Variants in THSD7B observed in about 807,000 individuals in gnomAD.
The protein encoded by THSD7B is thrombospondin type 1 domain containing 7B.
In THSD7B, 138 loss-of-function variants were observed where a neutral mutation model predicts 213.6. The observed-to-expected ratio is 0.65, with a 90% CI of 0.56 to 0.74. THSD7B has a LOEUF of 0.74. Among genes scored for constraint, THSD7B ranks in the 30% least tolerant of loss-of-function variants. The pLI is 0.00. For synonymous variants in THSD7B, 742 were observed against 687.0 expected (o/e 1.08, Z -1.25); for missense variants, 1,931 against 1,991.5 (o/e 0.97, Z 0.58).
intron 27 of THSD7B, among the ~76,000 whole-genome samples, chr2:137,674,530 C>T (rs1175725527): frequency 6.6e-6 from 1 of 152,166 alleles, no homozygotes; most frequent in Non-Finnish European, 1.5e-5. Flanking sequence ...GACTCCATGT[C>T]AAGTGGGGTT....
chr2:137,170,638 G>A (rs1000112960), intron 6 of THSD7B, 103 bp from the exon 7 acceptor site: 1 of 1,062,738 alleles, frequency 9.4e-7, no homozygotes, highest in Non-Finnish European at 1.3e-6. Context: ...TGCTTAGAGC[G>A]ATGAGTACTT....
intron 1 of THSD7B, among the ~76,000 whole-genome samples, chr2:136,770,477 G>A (rs1455834088): frequency 2.6e-5 from 4 of 152,108 alleles, no homozygotes; most frequent in Non-Finnish European, 5.9e-5. Context: ...TGAAATACAT[G>A]TGCTCCAGTA....
At chr2:137,627,114 G>T (rs1682646178) in intron 20 of THSD7B, among the ~76,000 whole-genome samples, 2 of 152,182 alleles carry the variant, frequency 1.3e-5, no homozygotes, top group Admixed American at 6.5e-5. Context: ...CACATGGTGA[G>T]AAAGAGAACA....
intron 12 of THSD7B, among the ~76,000 whole-genome samples, chr2:137,277,704 C>A (rs1462646738): frequency 6.6e-6 from 1 of 152,040 alleles, no homozygotes; most frequent in African/African-American, 2.4e-5. Context: ...TTTTGCAGAA[C>A]AGGATTACAC....
intron 15 of THSD7B, among the ~76,000 whole-genome samples, chr2:137,478,680 A>G (rs1481465162): frequency 6.6e-6 from 1 of 152,118 alleles, no homozygotes; most frequent in East Asian, 1.9e-4. Context: ...CTGTAGTGTA[A>G]CAGTCACTTC....
chr2:136,884,445 G>A (rs527858725), intron 2 of THSD7B, among the ~76,000 whole-genome samples: 7 of 152,172 alleles, frequency 4.6e-5, no homozygotes, highest in Admixed American at 2.6e-4. Flanking sequence ...GGGAATGAAG[G>A]GCTCCACCTC....
chr2:137,563,321 G>T lies in THSD7B; in HGVS notation c.3239G>T (p.Arg1080Leu). 6.2e-7 allele frequency: 1 copy of T among 1,613,308 alleles called. No homozygotes were observed. Reference protein sequence around the residue: ...CKINNELRSLRCGGGTQSRKI... With the variant: ...CKINNELRSLLCGGGTQSRKI... ...ATCAACAATGAGCTGAGGTCCCTGC[G>T]CTGTGGAGGAGGAACACAATCTAGG... Residue 1080 changes from arginine to leucine, a missense_variant, in exon 16 of 28, where the codon CGC becomes CTC. Arg to Leu is a moderately radical substitution (Grantham distance 102, BLOSUM62 -2). Coordinates refer to ENST00000409968, the MANE Select transcript of THSD7B (RefSeq NM_001316349.2).
At chr2:137,561,106 G>C (rs1238967529) in intron 15 of THSD7B, among the ~76,000 whole-genome samples, 2 of 152,116 alleles carry the variant, frequency 1.3e-5, no homozygotes, top group African/African-American at 4.8e-5. Flanking sequence ...ACTCAAGAAG[G>C]TATCTCCACA....
intron 26 of THSD7B, among the ~76,000 whole-genome samples, chr2:137,663,813 G>A (rs1683397506): frequency 6.6e-6 from 1 of 152,166 alleles, no homozygotes. Context: ...CTAAGAAACA[G>A]TGGGTTAAGT....
intron 15 of THSD7B, among the ~76,000 whole-genome samples, chr2:137,463,395 C>T (rs1687927195): frequency 6.6e-6 from 1 of 152,152 alleles, no homozygotes; most frequent in African/African-American, 2.4e-5. Flanking sequence ...CTTGTTCAAA[C>T]TCAACTGCTT....
At chr2:137,096,889 G>A (rs529301697) in intron 4 of THSD7B, among the ~76,000 whole-genome samples, 30 of 152,320 alleles carry the variant, frequency 2.0e-4, no homozygotes, top group African/African-American at 6.3e-4. Flanking sequence ...CAGGCCCAGG[G>A]CTTAGCACAT....
intron 14 of THSD7B, among the ~76,000 whole-genome samples, chr2:137,440,085 A>G (rs1218597243): frequency 6.6e-6 from 1 of 152,070 alleles, no homozygotes; most frequent in African/African-American, 2.4e-5. Flanking sequence ...TTTAGGAATT[A>G]TGTTTGAATG....
chr2:136,818,655 G>T (rs1363596608), intron 1 of THSD7B, among the ~76,000 whole-genome samples: 1 of 152,196 alleles, frequency 6.6e-6, no homozygotes, highest in African/African-American at 2.4e-5. Flanking sequence ...ATAGTCCCTT[G>T]CTTCTTTTAG....
intron 12 of THSD7B, among the ~76,000 whole-genome samples, chr2:137,303,903 C>T (rs1424115241): frequency 1.3e-5 from 2 of 151,050 alleles, no homozygotes; most frequent in Non-Finnish European, 2.9e-5. Context: ...TGGTTTGCTG[C>T]ACCCATCAAC....
chr2:137,415,484 C>A (rs1349046561), intron 14 of THSD7B, among the ~76,000 whole-genome samples: 1 of 152,014 alleles, frequency 6.6e-6, no homozygotes. Context: ...TAAGTTCTGT[C>A]AGCCCCTATT....
At chr2:136,823,305 T>G (rs1028209589) in intron 1 of THSD7B, among the ~76,000 whole-genome samples, 1 of 152,220 alleles carries the variant, frequency 6.6e-6, no homozygotes, top group Non-Finnish European at 1.5e-5. Flanking sequence ...GACATCCAGC[T>G]GCTAAAGAAC....
intron 15 of THSD7B, among the ~76,000 whole-genome samples, chr2:137,541,379 A>G (rs1680606807): frequency 6.6e-6 from 1 of 151,738 alleles, no homozygotes; most frequent in Non-Finnish European, 1.5e-5. Flanking sequence ...TGTTAGACTT[A>G]AGGAGACAAC....
At position 136,791,678 on chromosome 2, in the gene THSD7B, T is replaced by G. The variant is rs141900012; in HGVS notation, c.-36+25991T>G. Among the ~76,000 whole-genome samples, 401 of 152,184 alleles carry G rather than the reference T, an allele frequency of 2.6e-3. 2 individuals are homozygous for G. Among genetic ancestry groups the G allele is most frequent in the African/African-American group, 8.9e-3 (370 of 41,546 alleles). On this transcript the variant is annotated intron_variant, in intron 1 of 27. Coordinates refer to ENST00000409968, the MANE Select transcript of THSD7B (RefSeq NM_001316349.2). The stretch of plus-strand genomic sequence containing the variant: ...ATCTTCTGTGACTGACTCATTTCAC[T>G]TGGCATGTTTTCAAGGTACATCTGT...
chr2:137,676,445 G>A (rs1276431842), intron 27 of THSD7B, 79 bp from the exon 28 acceptor site: 3 of 1,285,422 alleles, frequency 2.3e-6, no homozygotes, highest in Non-Finnish European at 3.2e-6. Flanking sequence ...TTAAATTTCT[G>A]TATCTCAAAA....
Sources: allele counts gnomAD v4.1 joint callset (sites outside exome capture counted in the v4.1 genomes callset), GRCh38; gene constraint gnomAD v4.1.1; transcripts MANE v1.5; gene names NCBI Gene and HGNC (gene_info 2026-07-23, HGNC 2026-07-21).